Variants in NHS observed in about 807,000 individuals in gnomAD.
The protein encoded by NHS is NHS actin remodeling regulator.
In NHS, 5 loss-of-function variants were observed where a neutral mutation model predicts 72.5. That is an observed-to-expected ratio of 0.07 (90% CI 0.04 to 0.14). The LOEUF is 0.14. Among genes scored for constraint, NHS ranks in the 10% least tolerant of loss-of-function variants. The pLI, the probability that NHS is intolerant of heterozygous loss-of-function variation, is 1.00. For missense variants in NHS, 1,072 were observed against 1,355.7 expected, an observed-to-expected ratio of 0.79 and a Z score of 3.29; for synonymous variants, 464 against 547.7, an observed-to-expected ratio of 0.85 and a Z score of 2.13.
chrX:17,687,608 T>A (rs1340418593), intron 1 of NHS, 134 bp from the exon 2 acceptor site: 16 of 774,242 alleles, frequency 2.1e-5, no homozygotes, highest in Non-Finnish European at 2.4e-5. Context: ...CTTGAGTTAG[T>A]TCTTAATGTG....
chrX:17,621,634 C>T, intron 1 of NHS, among the ~76,000 whole-genome samples: 1 of 111,907 alleles, frequency 8.9e-6, no homozygotes, highest in East Asian at 2.8e-4. Context: ...CCCTGGTCTC[C>T]TTTCTGCTCC....
chrX:17,637,501 A>G (rs2065857059), intron 1 of NHS, among the ~76,000 whole-genome samples: 1 of 111,463 alleles, frequency 9.0e-6, no homozygotes, highest in Admixed American at 9.5e-5. Context: ...CAGCAATGTC[A>G]TGGTACTCCT....
intron 6 of NHS, 112 bp from the exon 7 acceptor site, chrX:17,725,234 GA>G (rs10712155): frequency 0.017 from 9,177 of 546,044 alleles, 215 homozygotes; most frequent in Admixed American, 0.13. Context: ...TTCTGTTAAA[GA>G]AAAAAAAAAA....
At chrX:17,441,538 G>C (rs2064754079) in intron 1 of NHS, among the ~76,000 whole-genome samples, 1 of 111,834 alleles carries the variant, frequency 8.9e-6, no homozygotes, top group Non-Finnish European at 1.9e-5. Context: ...TTTGGCGCTT[G>C]ACACTTTCTA....
chrX:17,728,423 G>C (rs777505709), intron 7 of NHS, 95 bp downstream of exon 7: 1 of 919,357 alleles, frequency 1.1e-6, no homozygotes, highest in South Asian at 2.1e-5. Flanking sequence ...ACAGCCCTGG[G>C]TGTTGGTTTC....
rs1469218492 is a variant in NHS, at chrX:17,726,014, G to A, written c.1908G>A (p.Gly636=). 8.3e-7 allele frequency: 1 copy of A among 1,211,477 alleles called. No homozygotes were observed. Among genetic ancestry groups the A allele is most frequent in the South Asian group, 1.8e-5 (1 of 56,974 alleles). ...AGTCATCCAGTGGCAACTGGAGTGGGAGCAGCTCCACGTGCCCCTCGCAGA... is the reference window on the plus strand; with the variant it reads ...AGTCATCCAGTGGCAACTGGAGTGGAAGCAGCTCCACGTGCCCCTCGCAGA... ...DHQSSSGNWS[G]SSSTCPSQTS... Residue 636 remains glycine (G), a synonymous_variant, in exon 7 of 9, where the codon GGG becomes GGA. Transcript: ENST00000676302.
chrX:17,381,777 TAC>T (rs918011234), intron 1 of NHS, among the ~76,000 whole-genome samples: 31 of 112,548 alleles, frequency 2.8e-4, no homozygotes, highest in African/African-American at 8.7e-4. Flanking sequence ...AACTTATGTA[TAC>T]ACAGTTATTT....
intron 1 of NHS, among the ~76,000 whole-genome samples, chrX:17,491,073 A>C (rs953697789): frequency 8.9e-6 from 1 of 112,120 alleles, no homozygotes; most frequent in South Asian, 3.7e-4. Flanking sequence ...ATCTGCAAAC[A>C]GAGACAATTT....
At chrX:17,730,934 T>C (rs1266338774) in intron 8 of NHS, among the ~76,000 whole-genome samples, 2 of 111,413 alleles carry the variant, frequency 1.8e-5, no homozygotes, top group East Asian at 2.8e-4. Context: ...CCAAGATGAA[T>C]TGACTTAAAA....
chrX:17,402,517 A>C (rs892017744), intron 1 of NHS, among the ~76,000 whole-genome samples: 3 of 112,198 alleles, frequency 2.7e-5, no homozygotes, highest in Non-Finnish European at 5.6e-5. Flanking sequence ...TACATGCTAC[A>C]ACATGGATGA....
chrX:17,415,759 G>A (rs777451445), intron 1 of NHS, among the ~76,000 whole-genome samples: 2 of 112,069 alleles, frequency 1.8e-5, no homozygotes, highest in Non-Finnish European at 3.8e-5. Flanking sequence ...AGTTGGAGAT[G>A]TCTGGACTGA....
intron 1 of NHS, among the ~76,000 whole-genome samples, chrX:17,488,688 G>A (rs1028968898): frequency 1.8e-5 from 2 of 111,747 alleles, no homozygotes; most frequent in Non-Finnish European, 1.9e-5. Context: ...ATTAACCCAC[G>A]AATTATCAAG....
rs373252177 is a variant in NHS at position 17,735,811 on chromosome X, C to T, written c.*3347C>T. The T allele has an allele frequency of 1.4e-4, 16 of 112,601 alleles. No homozygotes were observed. The highest frequency in any genetic ancestry group is 4.5e-4 in the African/African-American group (14 of 30,904). The allele number at this position is 112,601 out of a possible 1,213,427, so 9.3% of individuals were successfully genotyped here. On this transcript the variant is annotated 3_prime_UTR_variant, in exon 9 of 9. Transcript: ENST00000676302. ...GGTTTCTTTTGTAAGATGTTTTCAA[C>T]GTTTACATTCAATCCAAGCCTTTGT... is the stretch of plus-strand genomic sequence containing the variant.
At chrX:17,728,466 T>C in intron 7 of NHS, 138 bp downstream of exon 7, 1 of 869,947 alleles carries the variant, frequency 1.1e-6, no homozygotes, top group South Asian at 2.2e-5. Context: ...ATTAAAACAA[T>C]TGAGATAAAA....
At chrX:17,656,870 GC>G (rs1426125951) in intron 1 of NHS, among the ~76,000 whole-genome samples, 5 of 112,065 alleles carry the variant, frequency 4.5e-5, no homozygotes, top group Non-Finnish European at 9.4e-5. Context: ...GCTTCTAAGG[GC>G]TGGGGAGAAG....
intron 1 of NHS, among the ~76,000 whole-genome samples, chrX:17,594,735 C>T (rs893528877): frequency 3.5e-5 from 4 of 112,683 alleles, no homozygotes; most frequent in African/African-American, 1.3e-4. Context: ...TTGAGAGCGT[C>T]CTCTCAGAAG....
intron 1 of NHS, among the ~76,000 whole-genome samples, chrX:17,546,035 G>T (rs962880245): frequency 3.6e-5 from 4 of 112,224 alleles, no homozygotes; most frequent in African/African-American, 1.3e-4. Flanking sequence ...AGGGATTAAG[G>T]TTATGAGAAC....
At chrX:17,397,829 A>G (rs1444942290) in intron 1 of NHS, among the ~76,000 whole-genome samples, 1 of 111,910 alleles carries the variant, frequency 8.9e-6, no homozygotes, top group Non-Finnish European at 1.9e-5. Context: ...CCAGGTATCC[A>G]TTTACATGGT....
At chrX:17,633,101 G>A (rs2065828094) in intron 1 of NHS, among the ~76,000 whole-genome samples, 1 of 111,371 alleles carries the variant, frequency 9.0e-6, no homozygotes, top group African/African-American at 3.3e-5. Flanking sequence ...TAGCGGGGGC[G>A]TTGCCCAATT....
Sources: allele counts gnomAD v4.1 joint callset (sites outside exome capture counted in the v4.1 genomes callset), GRCh38; gene constraint gnomAD v4.1.1; transcripts MANE v1.5; gene names NCBI Gene and HGNC (gene_info 2026-07-23, HGNC 2026-07-21).